Variants in TENM3 observed in about 807,000 individuals in gnomAD.
TENM3 encodes teneurin-3.
Under a neutral mutation model 255.1 loss-of-function variants are expected in TENM3, and 63 were observed. That is an observed-to-expected ratio of 0.25 (90% CI 0.20 to 0.30). The LOEUF (loss-of-function observed/expected upper bound fraction) is 0.30, where lower values mean the gene tolerates loss of function less well. TENM3 is among the 10% of genes least tolerant of loss of function. The pLI is 1.00. For synonymous variants in TENM3, 1,306 were observed against 1,322.3 expected (o/e 0.99, Z 0.27); for missense variants, 2,929 against 3,461.1 (o/e 0.85, Z 3.86).
chr4:181,959,650 A>AG, the TENM3 span, among the ~76,000 whole-genome samples: 240 of 152,178 alleles, frequency 1.6e-3, 1 homozygote, highest in African/African-American at 5.5e-3. Flanking sequence ...TTCACTTGGG[A>AG]GGGGGGACAT....
chr4:182,770,409 T>TGGCCACTGTGCC (rs1464987192), intron 22 of TENM3, among the ~76,000 whole-genome samples: 17 of 152,304 alleles, frequency 1.1e-4, no homozygotes, highest in African/African-American at 3.4e-4. Context: ...GACTCTGTGC[T>TGGCCACTGTGCC]GGCCACTGTG....
the TENM3 span, among the ~76,000 whole-genome samples, chr4:181,471,465 T>C: frequency 2.6e-5 from 4 of 152,270 alleles, no homozygotes; most frequent in East Asian, 7.7e-4. Flanking sequence ...ACTGAATTGG[T>C]AGTTGTATGG....
chr4:182,397,874 G>A lies in TENM3; in HGVS notation c.511+50945G>A, dbSNP rs964318258. Among the ~76,000 whole-genome samples, 11 of 152,118 alleles carry A rather than the reference G, an allele frequency of 7.2e-5. No individual in the cohort carries two copies. In the East Asian group the frequency reaches 7.7e-4, roughly 11 times the overall value. ...GAGGACCACTGCTCCAAATGACTGC[G>A]CTCTACTTCTGTGCCGTGGTCAATA... On this transcript the variant is annotated intron_variant, in intron 3 of 27. Coordinates refer to ENST00000511685, the MANE Select transcript of TENM3 (RefSeq NM_001080477.4).
the TENM3 span, among the ~76,000 whole-genome samples, chr4:181,665,252 G>A: frequency 1.3e-5 from 2 of 152,088 alleles, no homozygotes; most frequent in South Asian, 2.1e-4. Context: ...ATATCAGGTC[G>A]TTTTATCTTA....
chr4:181,492,495 TAGC>T, the TENM3 span, among the ~76,000 whole-genome samples: 1 of 152,242 alleles, frequency 6.6e-6, no homozygotes, highest in Non-Finnish European at 1.5e-5. Context: ...AGAATGCACT[TAGC>T]AGTCTAGTTC....
intron 11 of TENM3, among the ~76,000 whole-genome samples, chr4:182,684,794 G>A (rs1314990411): frequency 6.6e-6 from 1 of 152,194 alleles, no homozygotes; most frequent in African/African-American, 2.4e-5. Context: ...TTCCCTAAAT[G>A]TGAAAGTTAT....
At chr4:181,508,371 G>A in the TENM3 span, among the ~76,000 whole-genome samples, 1 of 152,130 alleles carries the variant, frequency 6.6e-6, no homozygotes, top group Non-Finnish European at 1.5e-5. Context: ...CATTCACACT[G>A]GAACTCCAAA....
chr4:182,410,119 A>C (rs78523653), intron 3 of TENM3, among the ~76,000 whole-genome samples: 2,827 of 152,198 alleles, frequency 0.019, 72 homozygotes, highest in East Asian at 0.1. Flanking sequence ...GGGCCACTGC[A>C]CTCAGCCCCT....
At chr4:181,581,745 T>A in the TENM3 span, among the ~76,000 whole-genome samples, 4 of 148,490 alleles carry the variant, frequency 2.7e-5, no homozygotes, top group East Asian at 2.0e-4. Context: ...TTTTTTTTTT[T>A]AATTTGCGAC....
chr4:181,919,456 C>G, the TENM3 span, among the ~76,000 whole-genome samples: 1 of 151,342 alleles, frequency 6.6e-6, no homozygotes, highest in African/African-American at 2.4e-5. Context: ...TCGTTTGACC[C>G]TGAATTCAGC....
the TENM3 span, among the ~76,000 whole-genome samples, chr4:181,675,885 G>A: frequency 2.6e-5 from 4 of 152,116 alleles, no homozygotes; most frequent in East Asian, 7.7e-4. Flanking sequence ...AAATTGGAAG[G>A]TCTGATAATA....
chr4:182,416,459 C>T (rs2151108406), intron 3 of TENM3, among the ~76,000 whole-genome samples: 1 of 151,226 alleles, frequency 6.6e-6, no homozygotes, highest in Non-Finnish European at 1.5e-5. Flanking sequence ...AGAGCTCTAA[C>T]CTTTAAAAGT....
the TENM3 span, among the ~76,000 whole-genome samples, chr4:182,048,762 T>C: frequency 6.7e-6 from 1 of 149,260 alleles, no homozygotes; most frequent in East Asian, 2.0e-4. Flanking sequence ...AGCAGCAACC[T>C]ACCTTTCTAA....
chr4:181,925,643 G>T, the TENM3 span, among the ~76,000 whole-genome samples: 9,588 of 152,228 alleles, frequency 0.063, 883 homozygotes, highest in African/African-American at 0.2. Flanking sequence ...GTTATAAAAT[G>T]TTATAAAGTT....
chr4:182,348,154 C>G (rs1764953314), intron 3 of TENM3, among the ~76,000 whole-genome samples: 1 of 151,914 alleles, frequency 6.6e-6, no homozygotes, highest in Non-Finnish European at 1.5e-5. Flanking sequence ...AAGTCAAGAT[C>G]AAATAATAGC....
the TENM3 span, among the ~76,000 whole-genome samples, chr4:182,010,453 T>C: frequency 1.6e-3 from 249 of 151,670 alleles, 2 homozygotes; most frequent in African/African-American, 5.4e-3. Context: ...TATATAATTA[T>C]ACATATTCCA....
chr4:182,463,615 C>T (rs1031557830), intron 3 of TENM3, among the ~76,000 whole-genome samples: 1 of 146,750 alleles, frequency 6.8e-6, no homozygotes, highest in African/African-American at 2.5e-5. Flanking sequence ...CCTGCCACTG[C>T]GCCTGGCTAA....
At chr4:182,649,646 TA>T (rs1753076151) in intron 5 of TENM3, among the ~76,000 whole-genome samples, 1 of 150,644 alleles carries the variant, frequency 6.6e-6, no homozygotes, top group African/African-American at 2.4e-5. Flanking sequence ...TTAAACAAAA[TA>T]GCCTGTTCTT....
chr4:182,014,395 G>T, the TENM3 span, among the ~76,000 whole-genome samples: 280 of 151,932 alleles, frequency 1.8e-3, 2 homozygotes, highest in African/African-American at 6.4e-3. Flanking sequence ...ACCTAGACTA[G>T]ACTTCGGAAT....
Sources: gnomAD v4.1 joint callset for allele counts (sites outside exome capture counted in the v4.1 genomes callset) on GRCh38, gnomAD v4.1.1 for gene constraint, MANE v1.5 for transcripts, NCBI Gene and HGNC (gene_info 2026-07-23, HGNC 2026-07-21) for gene names.